Variants in KLF12 observed in about 807,000 individuals in gnomAD.
KLF12 encodes the protein Krueppel-like factor 12.
A neutral mutation model predicts 37.8 loss-of-function variants in KLF12; 9 were observed. The observed-to-expected ratio is 0.24, with a 90% confidence interval of 0.14 to 0.42. The LOEUF is 0.42. Ranked by LOEUF, KLF12 falls within the 10% of genes least tolerant of loss-of-function variation. The pLI, the probability that KLF12 is intolerant of heterozygous loss-of-function variation, is 1.00. For synonymous variants in KLF12, 208 were observed against 202.1 expected (o/e 1.03, Z -0.25); for missense variants, 411 against 516.0 (o/e 0.80, Z 1.97).
At chr13:74,301,473 AT>A in the KLF12 span, among the ~76,000 whole-genome samples, 1 of 152,180 alleles carries the variant, frequency 6.6e-6, no homozygotes, top group Non-Finnish European at 1.5e-5. Flanking sequence ...ATTAAATGTG[AT>A]TTTAAATGAA....
At chr13:74,266,018 G>A in the KLF12 span, among the ~76,000 whole-genome samples, 70 of 152,274 alleles carry the variant, frequency 4.6e-4, no homozygotes, top group East Asian at 3.7e-3. Flanking sequence ...GTGGATTATC[G>A]TAAGCTTAAT....
the KLF12 span, among the ~76,000 whole-genome samples, chr13:74,170,079 C>A: frequency 6.6e-6 from 1 of 152,046 alleles, no homozygotes. Flanking sequence ...TCCACATTTA[C>A]ACCTATAGAC....
intron 2 of KLF12, among the ~76,000 whole-genome samples, chr13:73,994,109 G>T (rs1892041922): frequency 1.3e-5 from 2 of 152,186 alleles, no homozygotes; most frequent in Non-Finnish European, 2.9e-5. Context: ...ATGGAAGAAG[G>T]CAATTTAAGT....
At chr13:73,776,566 C>T (rs1880621155) in intron 5 of KLF12, among the ~76,000 whole-genome samples, 1 of 152,194 alleles carries the variant, frequency 6.6e-6, no homozygotes, top group Non-Finnish European at 1.5e-5. Context: ...TGCACCGGGA[C>T]TCTCACATTT....
chr13:73,831,198 C>T (rs1884138194), intron 4 of KLF12, among the ~76,000 whole-genome samples: 2 of 152,086 alleles, frequency 1.3e-5, no homozygotes, highest in Non-Finnish European at 2.9e-5. Context: ...AAGCATCAAG[C>T]CTAAGTACAG....
the KLF12 span, among the ~76,000 whole-genome samples, chr13:74,279,996 T>C: frequency 2.0e-5 from 3 of 152,278 alleles, no homozygotes; most frequent in Non-Finnish European, 2.9e-5. Context: ...GTCTGGACAA[T>C]GGGACAAGGA....
intron 1 of KLF12, among the ~76,000 whole-genome samples, chr13:74,026,448 T>G (rs1892978346): frequency 6.6e-6 from 1 of 152,176 alleles, no homozygotes; most frequent in South Asian, 2.1e-4. Context: ...AAGTTGTATT[T>G]CACAATTTAA....
intron 1 of KLF12, among the ~76,000 whole-genome samples, chr13:73,999,515 C>T (rs374189640): frequency 2.2e-4 from 33 of 151,928 alleles, no homozygotes; most frequent in African/African-American, 7.7e-4. Flanking sequence ...GGGCAGATCA[C>T]GAGGTCAGGA....
chr13:73,821,752 G>A (rs950104128), intron 4 of KLF12, among the ~76,000 whole-genome samples: 1 of 152,110 alleles, frequency 6.6e-6, no homozygotes, highest in African/African-American at 2.4e-5. Flanking sequence ...GAGCAATGAT[G>A]AGTCTTATCC....
At chr13:73,817,629 T>C (rs188623623) in intron 4 of KLF12, among the ~76,000 whole-genome samples, 2 of 152,340 alleles carry the variant, frequency 1.3e-5, no homozygotes, top group Non-Finnish European at 1.5e-5. Context: ...TAACTTGACG[T>C]GGAAACAGAC....
intron 1 of KLF12, among the ~76,000 whole-genome samples, chr13:74,071,734 G>T (rs1028587733): frequency 3.9e-5 from 6 of 152,058 alleles, no homozygotes; most frequent in Admixed American, 3.3e-4. Context: ...AAACCGAAAT[G>T]GATTCAAAGA....
intron 5 of KLF12, among the ~76,000 whole-genome samples, chr13:73,786,579 T>C (rs1384417098): frequency 2.0e-5 from 3 of 151,984 alleles, no homozygotes; most frequent in Admixed American, 6.6e-5. Flanking sequence ...AAATCCTGCC[T>C]ATCTTTCAAA....
At chr13:74,235,751 C>G in the KLF12 span, among the ~76,000 whole-genome samples, 2 of 152,004 alleles carry the variant, frequency 1.3e-5, no homozygotes, top group African/African-American at 4.8e-5. Flanking sequence ...AAAAGCCATG[C>G]AAACTTATTT....
intron 7 of KLF12, among the ~76,000 whole-genome samples, chr13:73,709,242 T>C (rs1451669353): frequency 6.6e-6 from 1 of 152,178 alleles, no homozygotes; most frequent in Non-Finnish European, 1.5e-5. Flanking sequence ...AATAAAAAGA[T>C]GACTGATCAG....
At chr13:73,953,648 T>TA (rs1194152481) in intron 2 of KLF12, among the ~76,000 whole-genome samples, 1 of 152,176 alleles carries the variant, frequency 6.6e-6, no homozygotes, top group Non-Finnish European at 1.5e-5. Context: ...ACAAAGGAAA[T>TA]AATTATTGAC....
chr13:73,913,103 C>T (rs1402178182), intron 3 of KLF12, among the ~76,000 whole-genome samples: 1 of 152,222 alleles, frequency 6.6e-6, no homozygotes, highest in Non-Finnish European at 1.5e-5. Flanking sequence ...AGAACACTAG[C>T]TCCTGAGGCA....
At chr13:74,112,384 T>TTGTGTGTGTG (rs67487546) in intron 1 of KLF12, among the ~76,000 whole-genome samples, 1,768 of 145,242 alleles carry the variant, frequency 0.012, 41 homozygotes, top group African/African-American at 0.038. Context: ...TTTGCAGATA[T>TTGTGTGTGTG]TGTCTGTGTG....
At chr13:74,178,125 T>C in the KLF12 span, among the ~76,000 whole-genome samples, 1 of 152,308 alleles carries the variant, frequency 6.6e-6, no homozygotes, top group South Asian at 2.1e-4. Context: ...TTTAAATGTA[T>C]GCTTTTGCCT....
At chr13:74,000,685 A>T (rs1225156145) in intron 1 of KLF12, among the ~76,000 whole-genome samples, 1 of 152,200 alleles carries the variant, frequency 6.6e-6, no homozygotes, top group Non-Finnish European at 1.5e-5. Flanking sequence ...CTGAATACAC[A>T]GCCCATTTTC....
Sources: allele counts gnomAD v4.1 joint callset (sites outside exome capture counted in the v4.1 genomes callset), GRCh38; gene constraint gnomAD v4.1.1; transcripts MANE v1.5; gene names NCBI Gene and HGNC (gene_info 2026-07-23, HGNC 2026-07-21).